GALNT17: variants seen among roughly 807,000 people sequenced by gnomAD.
GALNT17 encodes UDP-GalNAc:polypeptide N-acetylgalactosaminyltransferase-like 3.
In GALNT17, 29 loss-of-function variants were observed where a neutral mutation model predicts 63.7. That is an observed-to-expected ratio of 0.46 (90% CI 0.34 to 0.62). GALNT17 has a LOEUF of 0.62. Ranked by LOEUF, GALNT17 falls within the 20% of genes least tolerant of loss-of-function variation. The pLI is 0.01. For missense variants in GALNT17, 603 were observed against 799.6 expected (o/e 0.75, Z 2.97); for synonymous variants, 305 against 318.3 (o/e 0.96, Z 0.45).
In GALNT17 at chr7:71,377,108, A is replaced by ATATAT. The variant is rs1491192562; in HGVS notation, c.423-11127_423-11126insTATAT. Reference sequence around the variant, plus strand: ...CTCAAAAAAAAAAAAAAATAAAAATAAAAAAAATATATATATATATATATA... The same window carrying ATATAT: ...CTCAAAAAAAAAAAAAAATAAAAATATATATAAAAAAATATATATATATATATATA... On this transcript the variant is annotated intron_variant, in intron 2 of 10. Transcript: ENST00000333538. 7.5e-4 allele frequency among the ~76,000 whole-genome samples: 34 copies of ATATAT among 45,064 alleles called. 1 individual carries two copies. Among genetic ancestry groups the ATATAT allele is most frequent in the Middle Eastern group, 9.4e-3 (1 of 106 alleles). 29.6% of individuals were successfully genotyped at this position (45,064 alleles called of 152,430 possible). A position where few individuals can be genotyped will look rare whatever the true frequency, so the allele number is the denominator to read the frequency against.
chr7:71,171,167 A>G (rs748850128), intron 1 of GALNT17, among the ~76,000 whole-genome samples: 1 of 152,228 alleles, frequency 6.6e-6, no homozygotes, highest in African/African-American at 2.4e-5. Flanking sequence ...GATGTGCTCA[A>G]TATCAGTGTT....
At chr7:71,244,153 A>G (rs952612090) in intron 1 of GALNT17, among the ~76,000 whole-genome samples, 1 of 152,206 alleles carries the variant, frequency 6.6e-6, no homozygotes, top group Non-Finnish European at 1.5e-5. Context: ...CTGCATGCCC[A>G]GCTCTGCTCC....
intron 6 of GALNT17, among the ~76,000 whole-genome samples, chr7:71,585,372 T>G (rs1391889496): frequency 6.6e-6 from 1 of 152,214 alleles, no homozygotes; most frequent in African/African-American, 2.4e-5. Context: ...CATTAATTCA[T>G]TAGGGCCTAC....
At chr7:71,293,680 A>G (rs181427643) in intron 1 of GALNT17, among the ~76,000 whole-genome samples, 3 of 152,336 alleles carry the variant, frequency 2.0e-5, no homozygotes, top group East Asian at 3.9e-4. Flanking sequence ...AATCTCCCCA[A>G]CATTTTAAAA....
chr7:71,428,190 C>A (rs926107432), intron 5 of GALNT17, among the ~76,000 whole-genome samples: 2 of 152,146 alleles, frequency 1.3e-5, no homozygotes, highest in African/African-American at 4.8e-5. Flanking sequence ...CCACGATCTA[C>A]TTCCAGTTTT....
intron 6 of GALNT17, among the ~76,000 whole-genome samples, chr7:71,609,734 G>C (rs574941284): frequency 6.6e-6 from 1 of 151,894 alleles, no homozygotes; most frequent in Non-Finnish European, 1.5e-5. Flanking sequence ...TATGTATATA[G>C]TGTGACTATA....
Position 71,332,522 on chromosome 7 carries a change from C to A in GALNT17, c.239-3028C>A, listed in dbSNP as rs910259087. Among the ~76,000 whole-genome samples the A allele has an allele frequency of 5.3e-5, 8 of 152,112 alleles. No individual in the cohort carries two copies. In the South Asian group the frequency reaches 1.7e-3, roughly 32 times the overall value. On this transcript the variant is annotated intron_variant, in intron 1 of 10. Coordinates refer to ENST00000333538, the MANE Select transcript of GALNT17 (RefSeq NM_022479.3). ...TTTCCCTTTCTTTCTTGCAAGGTCA[C>A]CTATATATTTTAAATATTTTAAAAT...
chr7:71,140,412 G>C (rs1460166176), intron 1 of GALNT17, among the ~76,000 whole-genome samples: 1 of 152,184 alleles, frequency 6.6e-6, no homozygotes, highest in African/African-American at 2.4e-5. Flanking sequence ...AGGGAGTCCT[G>C]TTCTTGGACA....
At chr7:71,171,424 C>T (rs1474091007) in intron 1 of GALNT17, among the ~76,000 whole-genome samples, 3 of 152,198 alleles carry the variant, frequency 2.0e-5, no homozygotes, top group South Asian at 4.1e-4. Context: ...TGGCTTGAGC[C>T]TGGCAGTTCA....
Position 71,335,716 on chromosome 7 carries a change from G to A in GALNT17, c.405G>A (p.Pro135=), listed in dbSNP as rs146563573. 78 of 1,604,074 alleles carry A rather than the reference G, an allele frequency of 4.9e-5. No individual in the cohort carries two copies. The highest frequency in any genetic ancestry group is 1.4e-4 in the Admixed American group (8 of 58,828). Residue 135 remains proline, a synonymous_variant, in exon 2 of 11, where the codon CCG becomes CCA. Transcript: ENST00000333538. ...AAATTTCACTGGACCGTTCCATTCC[G>A]GATTATCGTCCCACCAAGTAAGTTC... is the stretch of plus-strand genomic sequence containing the variant. The part of the protein sequence containing the change: ...SEKISLDRSI[P]DYRPTKCKEL...
Position 71,185,499 on chromosome 7 carries a change from A to G in GALNT17, c.238+52459A>G, listed in dbSNP as rs912527526. On this transcript the variant is annotated intron_variant, in intron 1 of 10. Coordinates refer to ENST00000333538, the MANE Select transcript of GALNT17 (RefSeq NM_022479.3). ...AGGCATGAGCCCCCATACCTGCCCC[A>G]TTCTCTAATTTTCGTTTCTTTTCTT... Among the ~76,000 whole-genome samples, 4 of 141,410 alleles carry G rather than the reference A, an allele frequency of 2.8e-5. No homozygotes were observed. In the East Asian group the frequency reaches 8.5e-4, roughly 30 times the overall value. The allele number at this position is 141,410 out of a possible 152,430, so 92.8% of individuals were successfully genotyped here.
intron 1 of GALNT17, among the ~76,000 whole-genome samples, chr7:71,274,213 T>C (rs1790644672): frequency 6.6e-6 from 1 of 152,218 alleles, no homozygotes. Flanking sequence ...TATTTAACAG[T>C]AGGCTCTGGG....
At chr7:71,635,781 C>T (rs1386466593) in intron 6 of GALNT17, among the ~76,000 whole-genome samples, 3 of 152,210 alleles carry the variant, frequency 2.0e-5, no homozygotes, top group Non-Finnish European at 4.4e-5. Flanking sequence ...TTATTCATGC[C>T]TCCCCTTTTT....
chr7:71,539,544 G>A (rs1387692825), intron 5 of GALNT17, among the ~76,000 whole-genome samples: 3 of 151,800 alleles, frequency 2.0e-5, no homozygotes, highest in South Asian at 2.1e-4. Flanking sequence ...TGGTGCCTTC[G>A]ACATCAATCC....
chr7:71,561,742 G>A (rs949845766), intron 5 of GALNT17, among the ~76,000 whole-genome samples: 11 of 152,054 alleles, frequency 7.2e-5, no homozygotes, highest in Middle Eastern at 3.2e-3. Flanking sequence ...AAAAGCAAGG[G>A]TAAGACATGA....
At position 71,571,274 on chromosome 7, in the gene GALNT17, C is replaced by T; in HGVS notation, c.963-11C>T. 1 of 1,612,998 alleles carries T rather than the reference C, an allele frequency of 6.2e-7. No individual in the cohort carries two copies. The highest frequency in any genetic ancestry group is 8.5e-7 in the Non-Finnish European group (1 of 1,179,040). ...ACCTCAATGAGCTTCCCTTCTTTCT[C>T]CCTCCCTCAGGACCCCAGCCATGAT... On this transcript the variant is annotated splice_polypyrimidine_tract_variant and intron_variant, in intron 5 of 10. Coordinates refer to ENST00000333538, the MANE Select transcript of GALNT17 (RefSeq NM_022479.3).
At chr7:71,288,216 A>AC (rs1491278352) in intron 1 of GALNT17, among the ~76,000 whole-genome samples, 1 of 5,226 alleles carries the variant, frequency 1.9e-4, no homozygotes, top group African/African-American at 2.9e-4. Flanking sequence ...ACTCCATCTC[A>AC]AAAAAAAAAA....
At chr7:71,234,955 A>G (rs1003476310) in intron 1 of GALNT17, among the ~76,000 whole-genome samples, 6 of 152,234 alleles carry the variant, frequency 3.9e-5, no homozygotes, top group South Asian at 4.1e-4. Flanking sequence ...AAGGATAAAA[A>G]GTTCGGTCTG....
At chr7:71,246,099 C>T (rs1203437693) in intron 1 of GALNT17, among the ~76,000 whole-genome samples, 2 of 145,758 alleles carry the variant, frequency 1.4e-5, no homozygotes, top group Non-Finnish European at 3.0e-5. Flanking sequence ...CTGATGGCCT[C>T]ATAGCTTTTT....
Sources: gnomAD v4.1 joint callset for allele counts (sites outside exome capture counted in the v4.1 genomes callset) on GRCh38, gnomAD v4.1.1 for gene constraint, MANE v1.5 for transcripts, NCBI Gene and HGNC (gene_info 2026-07-23, HGNC 2026-07-21) for gene names.